Variants in CCDC85A observed in about 807,000 individuals in gnomAD.
CCDC85A encodes coiled-coil domain containing 85A.
A neutral mutation model predicts 50.2 loss-of-function variants in CCDC85A; 38 were observed. That is an observed-to-expected ratio of 0.76 (90% CI 0.58 to 0.99). The LOEUF (loss-of-function observed/expected upper bound fraction) is 0.99. Among genes scored for constraint, CCDC85A ranks in the 50% least tolerant of loss-of-function variants. The probability of loss-of-function intolerance (pLI) is 0.00; values close to 1 mark genes in which losing one functional copy is unlikely to be tolerated. For synonymous variants in CCDC85A, 366 were observed against 301.4 expected, an observed-to-expected ratio of 1.21 and a Z score of -2.22; for missense variants, 820 against 742.0, an observed-to-expected ratio of 1.11 and a Z score of -1.22.
intron 2 of CCDC85A, among the ~76,000 whole-genome samples, chr2:56,296,480 C>A (rs1460546610): frequency 6.6e-6 from 1 of 152,164 alleles, no homozygotes; most frequent in Non-Finnish European, 1.5e-5. Flanking sequence ...GCTGAACCGT[C>A]ACCAGGCGCC....
chr2:56,191,118 C>T (rs1417701867), intron 1 of CCDC85A, among the ~76,000 whole-genome samples: 1 of 152,220 alleles, frequency 6.6e-6, no homozygotes, highest in Non-Finnish European at 1.5e-5. Context: ...CTGGGATCAT[C>T]TTCACTCAAA....
intron 3 of CCDC85A, among the ~76,000 whole-genome samples, chr2:56,344,273 A>G (rs1241847951): frequency 6.6e-6 from 1 of 152,194 alleles, no homozygotes; most frequent in Non-Finnish European, 1.5e-5. Flanking sequence ...AAATACAATA[A>G]GGGTTACTTG....
Position 56,184,089 on chromosome 2 carries a change from C to T in CCDC85A, c.-536C>T, listed in dbSNP as rs979482904. ...CAGGAGGAGCGCAGCAGCCTTCGGG[C>T]AGCCGCGGCGGCGTCGCTAGAGCAG... On this transcript the variant is annotated 5_prime_UTR_variant, in exon 1 of 6. Transcript: ENST00000407595. 4.1e-6 allele frequency: 4 copies of T among 985,132 alleles called. No individual in the cohort carries two copies. The highest frequency in any genetic ancestry group is 3.5e-5 in the African/African-American group (2 of 57,176). The allele number at this position is 985,132 out of a possible 1,614,324, so 61.0% of individuals were successfully genotyped here. A position where few individuals can be genotyped will look rare whatever the true frequency, so the allele number is the denominator to read the frequency against.
intron 3 of CCDC85A, among the ~76,000 whole-genome samples, chr2:56,364,726 C>T (rs1675703712): frequency 6.6e-6 from 1 of 152,198 alleles, no homozygotes. Flanking sequence ...TCCTGGATAA[C>T]TCCTTCAACC....
chr2:56,184,922 A>AGGCGC (rs1675938193), intron 1 of CCDC85A, 22 bp downstream of exon 1: 1 of 1,460,692 alleles, frequency 6.8e-7, no homozygotes, highest in Non-Finnish European at 9.0e-7. Context: ...CCAGGTGGGG[A>AGGCGC]GGCGCGGCGC....
chr2:56,277,809 A>G (rs981179877), intron 2 of CCDC85A, among the ~76,000 whole-genome samples: 1 of 152,206 alleles, frequency 6.6e-6, no homozygotes, highest in Non-Finnish European at 1.5e-5. Flanking sequence ...GCCATAATGT[A>G]GTGAAAGTAG....
chr2:56,329,943 CTGTTTTTTTTTTTTTTTTT>C (rs917476355), intron 2 of CCDC85A, among the ~76,000 whole-genome samples: 8 of 22,874 alleles, frequency 3.5e-4, no homozygotes, highest in East Asian at 1.3e-3. Flanking sequence ...TACAGATTTC[CTGTTTTTTTTTTTTTTTTT>C]TTTTTTTTTT....
intron 2 of CCDC85A, among the ~76,000 whole-genome samples, chr2:56,227,500 A>C (rs1436694175): frequency 1.3e-5 from 2 of 152,190 alleles, no homozygotes; most frequent in African/African-American, 4.8e-5. Context: ...AAGTGTTCCA[A>C]GCGGGAATTG....
At chr2:56,242,884 T>C (rs970200704) in intron 2 of CCDC85A, among the ~76,000 whole-genome samples, 3 of 152,110 alleles carry the variant, frequency 2.0e-5, no homozygotes, top group Admixed American at 2.0e-4. Context: ...TGTTAGTAAT[T>C]TATAGTTTGA....
chr2:56,289,464 T>C (rs530194026), intron 2 of CCDC85A, among the ~76,000 whole-genome samples: 6 of 152,012 alleles, frequency 3.9e-5, no homozygotes, highest in African/African-American at 9.7e-5. Context: ...TAGGATTTCA[T>C]TGGGCAAAGG....
At chr2:56,333,896 A>G (rs1460760324) in intron 2 of CCDC85A, among the ~76,000 whole-genome samples, 1 of 152,210 alleles carries the variant, frequency 6.6e-6, no homozygotes, top group African/African-American at 2.4e-5. Flanking sequence ...AGGTGACAAG[A>G]CAAACAGATT....
intron 2 of CCDC85A, among the ~76,000 whole-genome samples, chr2:56,255,164 G>C (rs1669929018): frequency 6.6e-6 from 1 of 152,196 alleles, no homozygotes; most frequent in Non-Finnish European, 1.5e-5. Context: ...CCATTGGCCA[G>C]ACTGACCACA....
Position 56,184,818 on chromosome 2 carries a change from G to A in CCDC85A, c.194G>A (p.Ser65Asn). 6.5e-7 allele frequency: 1 copy of A among 1,545,676 alleles called. No individual in the cohort carries two copies. Among genetic ancestry groups the A allele is most frequent in the Non-Finnish European group, 8.7e-7 (1 of 1,146,010 alleles). Residue 65 changes from serine to asparagine, a missense_variant, in exon 1 of 6, where the codon AGC (serine) becomes AAC (asparagine). By Grantham distance (46) the Ser-to-Asn change is conservative (BLOSUM62 1). Coordinates refer to ENST00000407595, the MANE Select transcript of CCDC85A (RefSeq NM_001080433.2). ...CGGCGCGCCGAGGCGGAGAAGGTGAGCGCGATGCTGGACCACAGCAACCTC... is the reference window on the plus strand; with the variant it reads ...CGGCGCGCCGAGGCGGAGAAGGTGAACGCGATGCTGGACCACAGCAACCTC... Reference protein sequence around the residue: ...SLRRAEAEKVSAMLDHSNLIR... With the variant: ...SLRRAEAEKVNAMLDHSNLIR...
intron 5 of CCDC85A, among the ~76,000 whole-genome samples, chr2:56,383,158 A>T (rs1204083275): frequency 6.6e-6 from 1 of 152,012 alleles, no homozygotes; most frequent in African/African-American, 2.4e-5. Flanking sequence ...CTTAGAAATG[A>T]AGGTAAACAG....
At chr2:56,321,499 C>G (rs1031202394) in intron 2 of CCDC85A, among the ~76,000 whole-genome samples, 3 of 152,092 alleles carry the variant, frequency 2.0e-5, no homozygotes, top group African/African-American at 7.2e-5. Context: ...GCACTAATAA[C>G]AGACAAACAG....
At chr2:56,258,374 G>A (rs1670076157) in intron 2 of CCDC85A, among the ~76,000 whole-genome samples, 1 of 152,130 alleles carries the variant, frequency 6.6e-6, no homozygotes, top group African/African-American at 2.4e-5. Context: ...GTGAGAGGGT[G>A]GTATAAAAGG....
At chr2:56,317,161 A>G (rs940013760) in intron 2 of CCDC85A, among the ~76,000 whole-genome samples, 1 of 152,158 alleles carries the variant, frequency 6.6e-6, no homozygotes, top group Non-Finnish European at 1.5e-5. Flanking sequence ...AAGTCAATTC[A>G]GCTAAGACTT....
At chr2:56,201,708 A>G (rs1337349606) in intron 2 of CCDC85A, among the ~76,000 whole-genome samples, 1 of 152,210 alleles carries the variant, frequency 6.6e-6, no homozygotes, top group African/African-American at 2.4e-5. Context: ...ATATTTATAT[A>G]TGCATATATT....
chr2:56,321,106 C>A (rs764330734), intron 2 of CCDC85A, among the ~76,000 whole-genome samples: 9 of 151,970 alleles, frequency 5.9e-5, no homozygotes, highest in African/African-American at 9.7e-5. Context: ...CATGCTAAAA[C>A]CTCTCAATAA....
Sources: allele counts gnomAD v4.1 joint callset (sites outside exome capture counted in the v4.1 genomes callset), GRCh38; gene constraint gnomAD v4.1.1; transcripts MANE v1.5; gene names NCBI Gene and HGNC (gene_info 2026-07-23, HGNC 2026-07-21).